IGSF9B: variants seen among roughly 807,000 people sequenced by gnomAD.
IGSF9B encodes the protein immunoglobulin superfamily member 9B, also known as protein turtle homolog B.
IGSF9B carries 48 observed loss-of-function variants against 143.7 expected under a neutral mutation model. The ratio of observed to expected loss-of-function variants is 0.33; its 90% CI spans 0.26 to 0.42. The LOEUF is 0.42. Among genes scored for constraint, IGSF9B ranks in the 20% least tolerant of loss-of-function variants. IGSF9B has a pLI of 1.00. For synonymous variants in IGSF9B, 903 were observed against 833.1 expected, an observed-to-expected ratio of 1.08 and a Z score of -1.44; for missense variants, 1,706 against 1,980.0, an observed-to-expected ratio of 0.86 and a Z score of 2.63.
In IGSF9B at chr11:133,911,756, C is replaced by T. The variant is rs191759079; in HGVS notation, c.4105+130G>A. ...AAAGGACAAGAGAAGCTTGTGGATT[C>T]AATTCTAGAGAAAGCCCAAGGTTGG... On this transcript the variant is annotated intron_variant, in intron 19 of 19. Coordinates refer to ENST00000533871, the MANE Select transcript of IGSF9B (RefSeq NM_001277285.4). The T allele has an allele frequency of 2.3e-5, 16 of 703,840 alleles. No individual in the cohort carries two copies. The East Asian group carries it at 4.6e-4, about 20-fold the overall frequency. 43.6% of individuals were successfully genotyped at this position (703,840 alleles called of 1,614,324 possible).
chr11:133,949,060 C>A (rs1243395577), intron 1 of IGSF9B, among the ~76,000 whole-genome samples: 1 of 152,178 alleles, frequency 6.6e-6, no homozygotes, highest in Admixed American at 6.5e-5. Flanking sequence ...GGGCTAAGCG[C>A]TGAGCACCCA....
chr11:133,956,388 T>G (rs1940253140), intron 1 of IGSF9B, among the ~76,000 whole-genome samples: 1 of 151,652 alleles, frequency 6.6e-6, no homozygotes, highest in African/African-American at 2.4e-5. Flanking sequence ...CGCGCCGGTG[T>G]GCACCGTGGG....
intron 1 of IGSF9B, among the ~76,000 whole-genome samples, chr11:133,947,339 G>A (rs962109989): frequency 6.6e-6 from 1 of 152,178 alleles, no homozygotes; most frequent in Non-Finnish European, 1.5e-5. Context: ...ACAGCTGAGG[G>A]GAAGCCTCAC....
At chr11:133,934,128 T>TA (rs1321859330) in intron 7 of IGSF9B, among the ~76,000 whole-genome samples, 4 of 151,554 alleles carry the variant, frequency 2.6e-5, no homozygotes, top group East Asian at 1.9e-4. Context: ...AGGAAGGAGG[T>TA]AAAAAAGGAC....
chr11:133,918,128 G>A (rs1264226408), intron 18 of IGSF9B, among the ~76,000 whole-genome samples: 1 of 152,030 alleles, frequency 6.6e-6, no homozygotes, highest in Non-Finnish European at 1.5e-5. Context: ...GGGGATCGAG[G>A]AGCGGCAGCG....
rs1939479924 is a variant in IGSF9B at position 133,919,872 on chromosome 11, G to A, written c.3853C>T (p.Pro1285Ser). The change falls in exon 18 of 20, where the codon CCT (proline) becomes TCT (serine). Residue 1285 changes from proline to serine, a missense_variant. Physicochemically the swap from Pro to Ser is moderately conservative, Grantham distance 74. This residue lies in a region of IGSF9B where 880 missense variants were observed against 762.9 expected (regional missense o/e 1.15). Coordinates refer to ENST00000533871, the MANE Select transcript of IGSF9B (RefSeq NM_001277285.4). ...FTTLATGYPS[P>S]PPGPAPAGPG... is the part of the protein sequence containing the mutation. ...CCAGCAGGGGCGGGGCCGGGTGGAGGGGAAGGGTAGCCGGTGGCCAGAGTG... is the reference window on the plus strand; with the variant it reads ...CCAGCAGGGGCGGGGCCGGGTGGAGAGGAAGGGTAGCCGGTGGCCAGAGTG... The A allele has an allele frequency of 1.3e-6, 2 of 1,589,122 alleles. No homozygotes were observed. The highest frequency in any genetic ancestry group is 1.8e-5 in the Admixed American group (1 of 56,402).
Position 133,931,321 on chromosome 11 carries a change from A to ATTCTG in IGSF9B, c.1368+131_1368+132insCAGAA. On this transcript the variant is annotated intron_variant, in intron 10 of 19. Transcript: ENST00000533871. This position sits in a 1 kb window ranked among gnomAD's most constrained non-coding sequence, Gnocchi z 7.7. ...AGCCTGGTCAGGGCAGGTCCAGAATAGAACTGCTCGCTGGGCCCTCACACC... is the reference window on the plus strand; with the variant it reads ...AGCCTGGTCAGGGCAGGTCCAGAATATTCTGGAACTGCTCGCTGGGCCCTCACACC... 1 of 851,272 alleles carries ATTCTG rather than the reference A, an allele frequency of 1.2e-6. No individual in the cohort carries two copies. Among genetic ancestry groups the ATTCTG allele is most frequent in the Non-Finnish European group, 1.8e-6 (1 of 542,652 alleles). The allele number at this position is 851,272 out of a possible 1,614,324, so 52.7% of individuals were successfully genotyped here.
In IGSF9B at chr11:133,896,471, A is replaced by G. The variant is rs1939019425; in HGVS notation, c.*12598T>C. On this transcript the variant is annotated 3_prime_UTR_variant, in exon 20 of 20. Transcript: ENST00000533871. ...CAAATGTTTATTTATATCAAAATAC[A>G]AAACATTTCTGAAGCAGAGTAATGT... The G allele has an allele frequency of 6.6e-6, 1 of 152,226 alleles. No homozygotes were observed. Among genetic ancestry groups the G allele is most frequent in the Admixed American group, 6.5e-5 (1 of 15,282 alleles). The allele number at this position is 152,226 out of a possible 1,614,324, so 9.4% of individuals were successfully genotyped here. A position where few individuals can be genotyped will look rare whatever the true frequency, so the allele number is the denominator to read the frequency against.
At chr11:133,941,880 T>C (rs1939961094) in intron 3 of IGSF9B, among the ~76,000 whole-genome samples, 1 of 152,164 alleles carries the variant, frequency 6.6e-6, no homozygotes, top group Non-Finnish European at 1.5e-5. Context: ...TAGCCAGGTC[T>C]CTGAAGAGAG....
At position 133,946,947 on chromosome 11, in the gene IGSF9B, C is replaced by T. The variant is rs373166652; in HGVS notation, c.65-689G>A. Reference sequence around the variant, plus strand: ...CCCAGCACAGTTCTGCCAGCCCTGCCGCAGAGGGGGGAGTGGGAGGGGCCC... The same window carrying T: ...CCCAGCACAGTTCTGCCAGCCCTGCTGCAGAGGGGGGAGTGGGAGGGGCCC... On this transcript the variant is annotated intron_variant, in intron 1 of 19. Coordinates refer to ENST00000533871, the MANE Select transcript of IGSF9B (RefSeq NM_001277285.4). Among the ~76,000 whole-genome samples the T allele has an allele frequency of 3.9e-5, 6 of 152,252 alleles. No individual in the cohort carries two copies. In the East Asian group the frequency reaches 9.7e-4, roughly 25 times the overall value.
At position 133,945,953 on chromosome 11, in the gene IGSF9B, G is replaced by T; in HGVS notation, c.262+108C>A. On this transcript the variant is annotated intron_variant, in intron 2 of 19. Coordinates refer to ENST00000533871, the MANE Select transcript of IGSF9B (RefSeq NM_001277285.4). This position sits in a 1 kb window ranked among gnomAD's most constrained non-coding sequence, Gnocchi z 4.6. ...GATGGGAGGAACCAGGCAGAGACTG[G>T]GAAACAGAGATAAAGAGTGGTCAGG... The T allele has an allele frequency of 4.0e-6, 3 of 747,380 alleles. No individual in the cohort carries two copies. Among genetic ancestry groups the T allele is most frequent in the Non-Finnish European group, 6.5e-6 (3 of 458,864 alleles). The allele number at this position is 747,380 out of a possible 1,614,324, so 46.3% of individuals were successfully genotyped here.
rs1315704582 is a variant in IGSF9B at position 133,920,471 on chromosome 11, A to G, written c.3254T>C (p.Leu1085Pro). The G allele has an allele frequency of 4.5e-6, 7 of 1,570,222 alleles. No individual in the cohort carries two copies. In the South Asian group the frequency reaches 5.9e-5, roughly 13 times the overall value. Residue 1085 changes from leucine (L) to proline (P), a missense_variant, in exon 18 of 20, where the codon CTG becomes CCG. This residue lies in a region of IGSF9B where 880 missense variants were observed against 762.9 expected (regional missense o/e 1.15). Transcript: ENST00000533871. ...GLPRGLPPTS[L>P]QVPAAYPGIL... is the part of the protein sequence containing the mutation. ...GCCCGGGTAGGCCGCGGGCACCTGC[A>G]GGGAGGTGGGGGGCAGTCCTCGGGG...
intron 3 of IGSF9B, among the ~76,000 whole-genome samples, chr11:133,941,883 G>A (rs1459854740): frequency 6.6e-6 from 1 of 152,168 alleles, no homozygotes; most frequent in Admixed American, 6.5e-5. Context: ...CCAGGTCTCT[G>A]AAGAGAGGCC....
chr11:133,949,058 C>T (rs1028949169), intron 1 of IGSF9B, among the ~76,000 whole-genome samples: 6 of 152,152 alleles, frequency 3.9e-5, no homozygotes, highest in African/African-American at 9.7e-5. Context: ...CTGGGCTAAG[C>T]GCTGAGCACC....
intron 18 of IGSF9B, among the ~76,000 whole-genome samples, chr11:133,918,876 C>T (rs531392922): frequency 4.7e-4 from 71 of 151,002 alleles, no homozygotes; most frequent in African/African-American, 1.6e-3. Flanking sequence ...CCGGCTCTTC[C>T]GAACCCAAAG....
intron 3 of IGSF9B, among the ~76,000 whole-genome samples, chr11:133,939,573 G>T (rs1352076190): frequency 6.6e-6 from 1 of 152,248 alleles, no homozygotes; most frequent in Non-Finnish European, 1.5e-5. Context: ...ACACAGACCT[G>T]CAGGCCGATA....
In IGSF9B at chr11:133,932,149, G is replaced by C. The variant is rs1939743308; in HGVS notation, c.1032C>G (p.Ile344Met). 6.2e-7 allele frequency: 1 copy of C among 1,611,496 alleles called. No individual in the cohort carries two copies. The highest frequency in any genetic ancestry group is 1.7e-5 in the Admixed American group (1 of 59,666). ...IYVPVGIHGY[I>M]RCPVDAEPPA... ...GTGGTTCTGCGTCCACAGGGCAGCG[G>C]ATGTAGCCATGGATCCCCACGGGCA... Residue 344 changes from isoleucine to methionine, a missense_variant, in exon 8 of 20, where the codon ATC becomes ATG. Ile to Met is a conservative substitution (Grantham distance 10, BLOSUM62 1). Transcript: ENST00000533871.
intron 1 of IGSF9B, among the ~76,000 whole-genome samples, chr11:133,947,915 G>A (rs1026591824): frequency 2.0e-5 from 3 of 151,870 alleles, no homozygotes; most frequent in African/African-American, 7.3e-5. Flanking sequence ...GTGTCTGTCC[G>A]TCCATCTCTC....
At chr11:133,945,000 A>C (rs1940020657) in intron 2 of IGSF9B, among the ~76,000 whole-genome samples, 1 of 152,046 alleles carries the variant, frequency 6.6e-6, no homozygotes. Flanking sequence ...AAGCCTGAGA[A>C]CAAGGAATGG....
Sources: gnomAD v4.1 joint callset for allele counts (sites outside exome capture counted in the v4.1 genomes callset) on GRCh38, gnomAD v4.1.1 for gene constraint, gnomAD v4.1.1 regional missense constraint, Gnocchi (gnomAD v3.1) non-coding constraint, MANE v1.5 for transcripts, NCBI Gene and HGNC (gene_info 2026-07-23, HGNC 2026-07-21) for gene names.